The following PITPNC1 variants were observed in gnomAD, a reference collection of about 807,000 sequenced individuals.
PITPNC1 encodes the protein phosphatidylinositol transfer protein cytoplasmic 1.
A neutral mutation model predicts 44.7 loss-of-function variants in PITPNC1; 18 were observed. The observed-to-expected ratio is 0.40, with a 90% CI of 0.28 to 0.60. The LOEUF is 0.60. PITPNC1 is among the 20% of genes least tolerant of loss of function. The pLI, the probability that PITPNC1 is intolerant of heterozygous loss-of-function variation, is 0.39. For synonymous variants in PITPNC1, 141 were observed against 149.6 expected, an observed-to-expected ratio of 0.94 and a Z score of 0.42; for missense variants, 290 against 418.4, an observed-to-expected ratio of 0.69 and a Z score of 2.68.
chr17:67,448,649 G>A (rs976492577), intron 1 of PITPNC1, among the ~76,000 whole-genome samples: 2 of 152,202 alleles, frequency 1.3e-5, no homozygotes, highest in Non-Finnish European at 2.9e-5. Context: ...AGAGTCCAGT[G>A]CTTCCAGTCT....
At chr17:67,623,266 G>A (rs183838206) in intron 5 of PITPNC1, among the ~76,000 whole-genome samples, 19 of 152,172 alleles carry the variant, frequency 1.2e-4, no homozygotes, top group African/African-American at 4.6e-4. Flanking sequence ...TGTATCCTCA[G>A]TAGCTTGTAC....
chr17:67,422,206 C>T (rs1005576266), intron 1 of PITPNC1, among the ~76,000 whole-genome samples: 1 of 152,134 alleles, frequency 6.6e-6, no homozygotes, highest in African/African-American at 2.4e-5. Context: ...GTTCCCAGGC[C>T]CATCCTAGGA....
chr17:67,414,751 C>T (rs543462181), intron 1 of PITPNC1, among the ~76,000 whole-genome samples: 1 of 152,210 alleles, frequency 6.6e-6, no homozygotes, highest in South Asian at 2.1e-4. Context: ...TGACAAATCA[C>T]AGTCAATGCC....
chr17:67,519,366 G>C (rs71382133), intron 1 of PITPNC1, among the ~76,000 whole-genome samples: 7,866 of 151,840 alleles, frequency 0.052, 254 homozygotes, highest in Middle Eastern at 0.11. Context: ...TAGTAGAGAT[G>C]GGGTTTCACC....
chr17:67,393,039 A>G (rs912909814), intron 1 of PITPNC1, among the ~76,000 whole-genome samples: 5 of 151,696 alleles, frequency 3.3e-5, no homozygotes, highest in Admixed American at 3.3e-4. Context: ...CTGAGGCAGG[A>G]GAATCGCTTG....
intron 5 of PITPNC1, among the ~76,000 whole-genome samples, chr17:67,590,573 G>GT (rs1350226553): frequency 6.6e-6 from 1 of 152,172 alleles, no homozygotes; most frequent in Non-Finnish European, 1.5e-5. Context: ...GCTAAAACTA[G>GT]TATGTGAAAA....
At chr17:67,511,981 T>C (rs187216674) in intron 1 of PITPNC1, among the ~76,000 whole-genome samples, 1 of 152,374 alleles carries the variant, frequency 6.6e-6, no homozygotes, top group Admixed American at 6.5e-5. Context: ...TCTAAATTTC[T>C]GCCTGGTCTC....
chr17:67,384,527 G>C (rs914717094), intron 1 of PITPNC1, among the ~76,000 whole-genome samples: 1 of 151,578 alleles, frequency 6.6e-6, no homozygotes, highest in Admixed American at 6.6e-5. Context: ...CCGGGTTCAC[G>C]CCATTCTCCT....
At chr17:67,538,614 A>AATAG (rs1287464342) in intron 2 of PITPNC1, among the ~76,000 whole-genome samples, 4 of 152,100 alleles carry the variant, frequency 2.6e-5, no homozygotes, top group Non-Finnish European at 5.9e-5. Context: ...TAAATAAATA[A>AATAG]ATAGATAGAT....
chr17:67,420,647 G>T (rs2038659808), intron 1 of PITPNC1, among the ~76,000 whole-genome samples: 1 of 151,942 alleles, frequency 6.6e-6, no homozygotes, highest in African/African-American at 2.4e-5. Flanking sequence ...GGCCAGGCTG[G>T]TCTTGAACTC....
chr17:67,489,652 C>T (rs2039833962), intron 1 of PITPNC1, among the ~76,000 whole-genome samples: 1 of 152,212 alleles, frequency 6.6e-6, no homozygotes, highest in South Asian at 2.1e-4. Context: ...TAATATGCAG[C>T]CAGGGTTCTG....
At chr17:67,492,795 C>T (rs924101711) in intron 1 of PITPNC1, among the ~76,000 whole-genome samples, 4 of 152,132 alleles carry the variant, frequency 2.6e-5, no homozygotes, top group African/African-American at 9.7e-5. Context: ...TTCTTCCCCT[C>T]CACGCTTTGT....
At chr17:67,434,807 A>AACT (rs111915722) in intron 1 of PITPNC1, among the ~76,000 whole-genome samples, 1 of 148,348 alleles carries the variant, frequency 6.7e-6, no homozygotes, top group Non-Finnish European at 1.5e-5. Context: ...CAAAAAAAAA[A>AACT]AAAAAATAAA....
intron 1 of PITPNC1, among the ~76,000 whole-genome samples, chr17:67,439,366 T>C (rs1233134932): frequency 2.6e-5 from 4 of 152,172 alleles, no homozygotes; most frequent in Non-Finnish European, 5.9e-5. Context: ...TAGACTACAT[T>C]TGCAGAAACA....
intron 5 of PITPNC1, among the ~76,000 whole-genome samples, chr17:67,609,002 C>A (rs1262699055): frequency 6.6e-6 from 1 of 151,336 alleles, no homozygotes; most frequent in Admixed American, 6.6e-5. Flanking sequence ...TGCATGGCTT[C>A]CCTGTGATTT....
chr17:67,383,591 G>C (rs1392492169), intron 1 of PITPNC1, among the ~76,000 whole-genome samples: 1 of 152,182 alleles, frequency 6.6e-6, no homozygotes, highest in Non-Finnish European at 1.5e-5. Context: ...TCACCAAGGA[G>C]GCTCCTTGGA....
intron 6 of PITPNC1, among the ~76,000 whole-genome samples, chr17:67,651,159 G>A (rs56183612): frequency 0.055 from 8,301 of 152,148 alleles, 325 homozygotes; most frequent in East Asian, 0.2. Flanking sequence ...TTTAAGTCAA[G>A]TTTTAGGTCA....
chr17:67,481,194 C>T (rs1464937969), intron 1 of PITPNC1, among the ~76,000 whole-genome samples: 3 of 152,208 alleles, frequency 2.0e-5, no homozygotes, highest in Admixed American at 6.5e-5. Flanking sequence ...GGCGACAGAG[C>T]GAGACCTGGC....
intron 8 of PITPNC1, among the ~76,000 whole-genome samples, chr17:67,684,319 G>A (rs1436716228): frequency 6.6e-6 from 1 of 151,832 alleles, no homozygotes; most frequent in African/African-American, 2.4e-5. Flanking sequence ...CACCATGTTG[G>A]CCGGGCTGGT....
Sources: gnomAD v4.1 joint callset for allele counts (sites outside exome capture counted in the v4.1 genomes callset) on GRCh38, gnomAD v4.1.1 for gene constraint, MANE v1.5 for transcripts, NCBI Gene and HGNC (gene_info 2026-07-23, HGNC 2026-07-21) for gene names.